The following PRKG1 variants were observed in gnomAD, a reference collection of about 807,000 sequenced individuals.
PRKG1 encodes protein kinase cGMP-dependent 1, also known as cGMP-dependent protein kinase 1.
In PRKG1, 35 loss-of-function variants were observed where a neutral mutation model predicts 88.1. That is an observed-to-expected ratio of 0.40 (90% CI 0.30 to 0.53). PRKG1 has a LOEUF of 0.53. Ranked by LOEUF, PRKG1 falls within the 20% of genes least tolerant of loss-of-function variation. PRKG1 has a pLI of 0.59. For missense variants in PRKG1, 540 were observed against 839.8 expected (o/e 0.64, Z 4.41); for synonymous variants, 303 against 292.5 (o/e 1.04, Z -0.37).
chr10:51,385,264 TA>T (rs551709152), intron 2 of PRKG1, among the ~76,000 whole-genome samples: 279 of 152,298 alleles, frequency 1.8e-3, no homozygotes, highest in African/African-American at 6.4e-3. Context: ...GACTGGATAT[TA>T]AAACATTCAC....
chr10:52,108,996 T>A (rs1430830591), intron 7 of PRKG1, among the ~76,000 whole-genome samples: 1 of 151,830 alleles, frequency 6.6e-6, no homozygotes, highest in African/African-American at 2.4e-5. Context: ...CCCAGCTAAT[T>A]TTTGTATTTT....
chr10:51,127,485 T>A (rs1363963011), intron 1 of PRKG1, among the ~76,000 whole-genome samples: 1 of 152,066 alleles, frequency 6.6e-6, no homozygotes, highest in Non-Finnish European at 1.5e-5. Context: ...TGTGGAGAAA[T>A]AGGAACACTT....
intron 3 of PRKG1, among the ~76,000 whole-genome samples, chr10:51,750,778 T>C (rs1244162463): frequency 6.6e-6 from 1 of 152,160 alleles, no homozygotes; most frequent in Non-Finnish European, 1.5e-5. Flanking sequence ...AACATGTGCT[T>C]AAAAGCATTG....
intron 3 of PRKG1, among the ~76,000 whole-genome samples, chr10:51,535,254 T>C (rs7100765): frequency 0.81 from 122,694 of 152,152 alleles, 50,138 homozygotes; most frequent in East Asian, 0.98. Flanking sequence ...GAAATGTTAA[T>C]ATATTACAAT....
chr10:52,231,988 G>A (rs1368190576), intron 9 of PRKG1, among the ~76,000 whole-genome samples: 1 of 152,156 alleles, frequency 6.6e-6, no homozygotes, highest in Non-Finnish European at 1.5e-5. Flanking sequence ...GGGTCATTTT[G>A]TTTTCTTTGC....
intron 10 of PRKG1, among the ~76,000 whole-genome samples, chr10:52,259,676 C>CA (rs1252373549): frequency 1.3e-5 from 2 of 152,070 alleles, no homozygotes; most frequent in Non-Finnish European, 2.9e-5. Context: ...CACTGCCTTT[C>CA]ACGTTCACAC....
At chr10:51,516,077 A>T (rs1841571715) in intron 3 of PRKG1, among the ~76,000 whole-genome samples, 1 of 152,146 alleles carries the variant, frequency 6.6e-6, no homozygotes, top group African/African-American at 2.4e-5. Context: ...TGCAACCTGA[A>T]TTCTTGTCTG....
chr10:52,086,334 T>C (rs2133313628), intron 7 of PRKG1, among the ~76,000 whole-genome samples: 1 of 150,698 alleles, frequency 6.6e-6, no homozygotes, highest in South Asian at 2.1e-4. Context: ...ACACTAAAAG[T>C]AGCACACTAT....
chr10:52,157,329 A>ATATATATATG (rs1838147780), intron 8 of PRKG1, among the ~76,000 whole-genome samples: 4 of 145,350 alleles, frequency 2.8e-5, no homozygotes, highest in Non-Finnish European at 6.0e-5. Flanking sequence ...ATATATATAT[A>ATATATATATG]TATATATATG....
rs35562284 is a variant in PRKG1 at position 51,113,944 on chromosome 10, C to CGTGTGTGTGT, written c.311+39076_311+39085dup. On this transcript the variant is annotated intron_variant, in intron 1 of 17. Transcript: ENST00000373980. ...ACTTCAGAAAAAGTCAGCCTGTAAA[C>CGTGTGTGTGT]GTGTGTGTGTGTGTGTGTGTGTGTG... Among the ~76,000 whole-genome samples the CGTGTGTGTGT allele has an allele frequency of 2.4e-3, 327 of 139,118 alleles. 3 individuals are homozygous for CGTGTGTGTGT. The highest frequency in any genetic ancestry group is 0.011 in the Middle Eastern group (3 of 276). The allele number at this position is 139,118 out of a possible 152,430, so 91.3% of individuals were successfully genotyped here.
intron 2 of PRKG1, among the ~76,000 whole-genome samples, chr10:51,217,103 G>A (rs1307012833): frequency 6.6e-6 from 1 of 152,092 alleles, no homozygotes; most frequent in Non-Finnish European, 1.5e-5. Context: ...GGCCATTTTA[G>A]GAATAGCAAT....
At chr10:52,254,928 A>G (rs530169017) in intron 10 of PRKG1, among the ~76,000 whole-genome samples, 1 of 152,196 alleles carries the variant, frequency 6.6e-6, no homozygotes, top group East Asian at 1.9e-4. Flanking sequence ...AGCATAACTG[A>G]CATTCACTTG....
intron 3 of PRKG1, among the ~76,000 whole-genome samples, chr10:51,735,408 T>C (rs1315975332): frequency 2.0e-5 from 3 of 152,144 alleles, no homozygotes; most frequent in Non-Finnish European, 4.4e-5. Context: ...AGTTTTGCCT[T>C]TTGTGGGAAG....
chr10:51,042,362 A>C (rs1374393825), intron 1 of PRKG1, among the ~76,000 whole-genome samples: 4 of 152,164 alleles, frequency 2.6e-5, no homozygotes, highest in African/African-American at 9.6e-5. Flanking sequence ...CACTACCTCA[A>C]GGTAATGCCC....
intron 2 of PRKG1, among the ~76,000 whole-genome samples, chr10:51,229,718 C>T (rs889095462): frequency 3.3e-5 from 5 of 151,844 alleles, no homozygotes; most frequent in Admixed American, 1.3e-4. Context: ...GGTTTGAGCC[C>T]AGGAGTTCAA....
At chr10:52,201,873 A>G (rs1379024311) in intron 9 of PRKG1, among the ~76,000 whole-genome samples, 1 of 152,112 alleles carries the variant, frequency 6.6e-6, no homozygotes, top group African/African-American at 2.4e-5. Flanking sequence ...TTGTTGTTAT[A>G]GAAATGCAAC....
chr10:52,209,510 T>C (rs1428526735), intron 9 of PRKG1, among the ~76,000 whole-genome samples: 2 of 152,162 alleles, frequency 1.3e-5, no homozygotes, highest in South Asian at 2.1e-4. Flanking sequence ...CATTTAATAG[T>C]TTTTGCAGGG....
At chr10:51,061,961 G>A (rs1007770378) in intron 1 of PRKG1, among the ~76,000 whole-genome samples, 6 of 152,102 alleles carry the variant, frequency 3.9e-5, no homozygotes, top group Admixed American at 1.3e-4. Flanking sequence ...GGCTTCTACT[G>A]TTTTCCCAGT....
At chr10:51,357,720 A>C (rs1842396309) in intron 2 of PRKG1, among the ~76,000 whole-genome samples, 1 of 151,972 alleles carries the variant, frequency 6.6e-6, no homozygotes, top group Non-Finnish European at 1.5e-5. Flanking sequence ...AATGAGAAAA[A>C]AAATTTCTAT....
Sources: allele counts gnomAD v4.1 joint callset (sites outside exome capture counted in the v4.1 genomes callset), GRCh38; gene constraint gnomAD v4.1.1; transcripts MANE v1.5; gene names NCBI Gene and HGNC (gene_info 2026-07-23, HGNC 2026-07-21).